Variants in HS3ST4 observed in about 807,000 individuals in gnomAD.
HS3ST4 encodes heparan sulfate-glucosamine 3-sulfotransferase 4.
HS3ST4 carries 17 observed loss-of-function variants against 29.2 expected under a neutral mutation model. The observed-to-expected ratio is 0.58, with a 90% CI of 0.40 to 0.87. HS3ST4 has a LOEUF of 0.87. Ranked by LOEUF, HS3ST4 falls within the 40% of genes least tolerant of loss-of-function variation. The pLI is 0.00. For missense variants in HS3ST4, 627 were observed against 634.5 expected, an observed-to-expected ratio of 0.99 and a Z score of 0.13; for synonymous variants, 314 against 285.7, an observed-to-expected ratio of 1.10 and a Z score of -1.00.
At chr16:25,878,576 T>C (rs897047674) in intron 1 of HS3ST4, among the ~76,000 whole-genome samples, 3 of 152,142 alleles carry the variant, frequency 2.0e-5, no homozygotes, top group Admixed American at 1.3e-4. Flanking sequence ...AGTATTGAGC[T>C]TGTAGGGAAT....
At chr16:26,042,907 TC>T (rs1969648067) in intron 1 of HS3ST4, among the ~76,000 whole-genome samples, 5 of 152,214 alleles carry the variant, frequency 3.3e-5, no homozygotes, top group Admixed American at 6.5e-5. Context: ...TTTGGCAGTA[TC>T]ATTTTACACT....
At chr16:26,006,987 A>C (rs1348166526) in intron 1 of HS3ST4, among the ~76,000 whole-genome samples, 1 of 152,206 alleles carries the variant, frequency 6.6e-6, no homozygotes, top group East Asian at 1.9e-4. Flanking sequence ...AGGCACGATG[A>C]GGGTTGGTTA....
At position 25,692,305 on chromosome 16, in the gene HS3ST4, AGCG is replaced by A. The variant is rs533546276; in HGVS notation, c.-81_-79del. The A allele has an allele frequency of 0.71, 103,374 of 146,058 alleles. 36,840 individuals carry two copies. The highest frequency in any genetic ancestry group is 0.78 in the Admixed American group (10,903 of 13,894). 9.0% of individuals were successfully genotyped at this position (146,058 alleles called of 1,614,324 possible). A position where few individuals can be genotyped will look rare whatever the true frequency, so the allele number is the denominator to read the frequency against. On this transcript the variant is annotated 5_prime_UTR_variant, in exon 1 of 2. Transcript: ENST00000331351. Reference sequence around the variant, plus strand: ...CTTCATGCAGCCGGGGCGGCTGGGCAGCGGCGGCGGCGGCGGCGGCGGCGGCGG... The same window carrying A: ...CTTCATGCAGCCGGGGCGGCTGGGCAGCGGCGGCGGCGGCGGCGGCGGCGG...
At chr16:25,884,813 G>T (rs533606379) in intron 1 of HS3ST4, among the ~76,000 whole-genome samples, 1 of 152,142 alleles carries the variant, frequency 6.6e-6, no homozygotes, top group African/African-American at 2.4e-5. Context: ...TGATCCACCC[G>T]CCTGAGCTAC....
chr16:26,114,043 G>A (rs1225952844), intron 1 of HS3ST4, among the ~76,000 whole-genome samples: 1 of 152,162 alleles, frequency 6.6e-6, no homozygotes, highest in Non-Finnish European at 1.5e-5. Flanking sequence ...TCAGTGGTGG[G>A]GAAGGGAAGG....
chr16:25,763,335 A>AT (rs1479913174), intron 1 of HS3ST4, among the ~76,000 whole-genome samples: 1 of 152,176 alleles, frequency 6.6e-6, no homozygotes, highest in African/African-American at 2.4e-5. Flanking sequence ...GCAGAAGGAA[A>AT]TGCCACCTGA....
intron 1 of HS3ST4, among the ~76,000 whole-genome samples, chr16:26,067,008 G>T (rs1454454221): frequency 6.6e-6 from 1 of 152,146 alleles, no homozygotes; most frequent in Non-Finnish European, 1.5e-5. Flanking sequence ...AGGACTCCCA[G>T]GAGCTAGATC....
chr16:26,005,871 A>G (rs913543983), intron 1 of HS3ST4, among the ~76,000 whole-genome samples: 1 of 152,116 alleles, frequency 6.6e-6, no homozygotes, highest in Non-Finnish European at 1.5e-5. Flanking sequence ...CCATCGTAGG[A>G]TATTTAGAAG....
rs542064865 is a variant in HS3ST4, at chr16:25,860,782, C to G, written c.734+167631C>G. On this transcript the variant is annotated intron_variant, in intron 1 of 1. Coordinates refer to ENST00000331351, the MANE Select transcript of HS3ST4 (RefSeq NM_006040.3). ...CATGAAATTACTCTGTATGATACTA[C>G]GATGGTGGATACATGGCATTATAAA... is the stretch of plus-strand genomic sequence containing the variant. 1.4e-4 allele frequency among the ~76,000 whole-genome samples: 21 copies of G among 152,224 alleles called. 1 individual carries two copies. The South Asian group carries it at 4.1e-3, about 30-fold the overall frequency.
intron 1 of HS3ST4, among the ~76,000 whole-genome samples, chr16:25,808,644 C>G (rs1967012483): frequency 6.6e-6 from 1 of 152,164 alleles, no homozygotes; most frequent in East Asian, 1.9e-4. Flanking sequence ...TTTACCTCTA[C>G]AAAAACCTTG....
chr16:25,797,060 G>A (rs1966890118), intron 1 of HS3ST4, among the ~76,000 whole-genome samples: 1 of 152,160 alleles, frequency 6.6e-6, no homozygotes. Context: ...CCTCACTGTA[G>A]CCCTATAAAA....
chr16:25,805,453 A>G (rs955054686), intron 1 of HS3ST4, among the ~76,000 whole-genome samples: 3 of 152,172 alleles, frequency 2.0e-5, no homozygotes, highest in African/African-American at 7.2e-5. Flanking sequence ...GACAGTCTTT[A>G]TCTCAGACAT....
intron 1 of HS3ST4, among the ~76,000 whole-genome samples, chr16:25,797,428 A>G (rs1217602413): frequency 1.3e-5 from 2 of 152,208 alleles, no homozygotes; most frequent in Non-Finnish European, 2.9e-5. Context: ...TCTTTAAGGT[A>G]TGGAGAACAA....
chr16:26,126,184 G>A (rs1266486364), intron 1 of HS3ST4, among the ~76,000 whole-genome samples: 3 of 152,144 alleles, frequency 2.0e-5, no homozygotes, highest in Non-Finnish European at 4.4e-5. Context: ...GTTGATGTCT[G>A]CACACCCTCT....
intron 1 of HS3ST4, among the ~76,000 whole-genome samples, chr16:25,876,128 A>G (rs1296823820): frequency 6.6e-6 from 1 of 152,054 alleles, no homozygotes; most frequent in Non-Finnish European, 1.5e-5. Context: ...TTCATTTCCC[A>G]CTCATCAACT....
At position 26,045,766 on chromosome 16, in the gene HS3ST4, C is replaced by T. The variant is rs374288602; in HGVS notation, c.735-89846C>T. On this transcript the variant is annotated intron_variant, in intron 1 of 1. Coordinates refer to ENST00000331351, the MANE Select transcript of HS3ST4 (RefSeq NM_006040.3). ...TCATCTTCTTTACTGTTTTCCTGCA[C>T]TTTTATAACATCCCAAGTTCTCTCT... Among the ~76,000 whole-genome samples, 147 of 152,278 alleles carry T rather than the reference C, an allele frequency of 9.7e-4. 1 individual carries two copies. The highest frequency in any genetic ancestry group is 4.8e-3 in the East Asian group (25 of 5,192).
chr16:25,815,486 G>A (rs1055297424), intron 1 of HS3ST4, among the ~76,000 whole-genome samples: 3 of 152,110 alleles, frequency 2.0e-5, no homozygotes, highest in Admixed American at 6.5e-5. Flanking sequence ...ACCATGCCCA[G>A]CTAATTTTTG....
At chr16:25,747,505 A>G (rs1966692357) in intron 1 of HS3ST4, among the ~76,000 whole-genome samples, 1 of 152,252 alleles carries the variant, frequency 6.6e-6, no homozygotes. Context: ...CCAAGAAGTA[A>G]CAGCTACCCT....
chr16:25,723,669 C>T (rs1046473766), intron 1 of HS3ST4, among the ~76,000 whole-genome samples: 2 of 152,176 alleles, frequency 1.3e-5, no homozygotes, highest in Non-Finnish European at 2.9e-5. Flanking sequence ...AAAATATCCT[C>T]GATGAAGCTC....
Sources: gnomAD v4.1 joint callset for allele counts (sites outside exome capture counted in the v4.1 genomes callset) on GRCh38, gnomAD v4.1.1 for gene constraint, MANE v1.5 for transcripts, NCBI Gene and HGNC (gene_info 2026-07-23, HGNC 2026-07-21) for gene names.